Variants in SRP72 observed in about 807,000 individuals in gnomAD.
The protein encoded by SRP72 is signal recognition particle subunit SRP72.
Under a neutral mutation model 96.3 loss-of-function variants are expected in SRP72, and 49 were observed. That is an observed-to-expected ratio of 0.51 (90% CI 0.40 to 0.65). The LOEUF (loss-of-function observed/expected upper bound fraction) is 0.65. SRP72 is among the 30% of genes least tolerant of loss of function. The pLI, the probability that SRP72 is intolerant of heterozygous loss-of-function variation, is 0.00. For synonymous variants in SRP72, 267 were observed against 275.2 expected (o/e 0.97, Z 0.30); for missense variants, 736 against 793.3 (o/e 0.93, Z 0.87).
chr4:56,494,164 G>C (rs1720999953), intron 16 of SRP72, among the ~76,000 whole-genome samples: 1 of 136,396 alleles, frequency 7.3e-6, no homozygotes, highest in Non-Finnish European at 1.6e-5. Context: ...AGACAATTTA[G>C]AATACTATTG....
chr4:56,491,777 T>C (rs989828905), intron 16 of SRP72: 1 of 422,310 alleles, frequency 2.4e-6, no homozygotes, highest in African/African-American at 2.0e-5. Flanking sequence ...TAATCTATTA[T>C]TCCAGAAGTT....
At chr4:56,501,631 T>C (rs1721264484) in intron 18 of SRP72, 53 bp from the exon 19 acceptor site, 1 of 1,514,818 alleles carries the variant, frequency 6.6e-7, no homozygotes, top group South Asian at 1.2e-5. Context: ...TACATTTTTA[T>C]ACTCTTCCTT....
At chr4:56,492,585 A>C (rs1282530020) in intron 16 of SRP72, among the ~76,000 whole-genome samples, 1 of 152,214 alleles carries the variant, frequency 6.6e-6, no homozygotes, top group African/African-American at 2.4e-5. Flanking sequence ...TAACTTAAAA[A>C]AAACTCAGCA....
At chr4:56,499,411 G>A (rs762205636) in intron 17 of SRP72, among the ~76,000 whole-genome samples, 1 of 152,128 alleles carries the variant, frequency 6.6e-6, no homozygotes, top group Non-Finnish European at 1.5e-5. Flanking sequence ...CTTCTGCACA[G>A]CAAAAGAAGC....
At chr4:56,474,540 CT>C in intron 5 of SRP72, 149 bp downstream of exon 5, 1 of 723,434 alleles carries the variant, frequency 1.4e-6, no homozygotes, top group Non-Finnish European at 2.2e-6. Flanking sequence ...GTCTTTCTCT[CT>C]CTTTTTTTTT....
chr4:56,469,815 C>A (rs1047265608), intron 2 of SRP72, 42 bp downstream of exon 2: 1 of 1,530,428 alleles, frequency 6.5e-7, no homozygotes. Flanking sequence ...ATTAGAAACA[C>A]TTACTATAGC....
intron 16 of SRP72, among the ~76,000 whole-genome samples, chr4:56,494,619 G>T (rs979230636): frequency 6.6e-6 from 1 of 151,960 alleles, no homozygotes; most frequent in Non-Finnish European, 1.5e-5. Flanking sequence ...GTCCAGGCTG[G>T]TCTGGAACTC....
chr4:56,486,386 A>G lies in SRP72; in HGVS notation c.1148A>G (p.Lys383Arg). 6.2e-7 allele frequency: 1 copy of G among 1,600,916 alleles called. No individual in the cohort carries two copies. The highest frequency in any genetic ancestry group is 8.5e-7 in the Non-Finnish European group (1 of 1,171,104). The change falls in exon 11 of 19, where the codon AAA (lysine) becomes AGA (arginine). Residue 383 changes from lysine to arginine, a missense_variant. This residue lies in a region of SRP72 where 388 missense variants were observed against 431.8 expected (regional missense o/e 0.90). Transcript: ENST00000642900. ...AEIKLTMAQL[K>R]ISQGNISKAC... ...ATTAAGCTGACCATGGCACAGTTGA[A>G]AATTTCTCAAGGTATTATGGTTTTC...
chr4:56,484,096 C>T (rs947977615), intron 9 of SRP72, among the ~76,000 whole-genome samples: 1 of 133,632 alleles, frequency 7.5e-6, no homozygotes, highest in Non-Finnish European at 1.5e-5. Flanking sequence ...TGCAGTGGTG[C>T]CATCTCGGCT....
At position 56,484,863 on chromosome 4, in the gene SRP72, A is replaced by G. The variant is rs1720645786; in HGVS notation, c.1085A>G (p.Gln362Arg). ...CACACAAAAGCAATAGAGCTGCTTC[A>G]GGTAAAATAATTACTTGAATGAGGT... Reference protein sequence around the residue: ...KQHTKAIELLQEFSDQHPENA... With the variant: ...KQHTKAIELLREFSDQHPENA... Residue 362 changes from glutamine (Q) to arginine (R), a missense_variant and splice_region_variant, in exon 10 of 19, where the codon CAG (glutamine) becomes CGG (arginine). By Grantham distance (43) the Gln-to-Arg change is conservative. This residue lies in a region of SRP72 where 388 missense variants were observed against 431.8 expected (regional missense o/e 0.90). Transcript: ENST00000642900. 6.2e-7 allele frequency: 1 copy of G among 1,606,830 alleles called. No homozygotes were observed. The highest frequency in any genetic ancestry group is 8.5e-7 in the Non-Finnish European group (1 of 1,178,566).
chr4:56,484,731 T>C lies in SRP72; in HGVS notation c.958-5T>C, dbSNP rs760941392. On this transcript the variant is annotated splice_polypyrimidine_tract_variant and splice_region_variant and intron_variant, in intron 9 of 18. Transcript: ENST00000642900. ...TTTTTCTTGTGGGGGTTGGATATCT[T>C]CTAGGCTGAACAATGCCGCAAAATA... is the stretch of plus-strand genomic sequence containing the variant. The C allele has an allele frequency of 6.2e-7, 1 of 1,614,028 alleles. No individual in the cohort carries two copies. The highest frequency in any genetic ancestry group is 2.2e-5 in the East Asian group (1 of 44,882).
chr4:56,495,384 GAAA>G lies in SRP72; in HGVS notation c.1671_1673del (p.Lys559del), dbSNP rs775190323. The G allele has an allele frequency of 6.7e-7, 1 of 1,493,680 alleles. No individual in the cohort carries two copies. The highest frequency in any genetic ancestry group is 1.2e-5 in the South Asian group (1 of 85,246). 92.5% of individuals were successfully genotyped at this position (1,493,680 alleles called of 1,614,324 possible). On this transcript the variant is annotated inframe_deletion, in exon 17 of 19. Transcript: ENST00000642900. ...AGGGAGATTTGAAAAAGAAGAAAAA[GAAA>G]AAGAAGGGTAAGGCATTAAAAAAGT... is the stretch of plus-strand genomic sequence containing the variant.
chr4:56,491,956 G>A (rs1174993025), intron 16 of SRP72, among the ~76,000 whole-genome samples: 1 of 152,154 alleles, frequency 6.6e-6, no homozygotes. Context: ...CGCCTCCCGG[G>A]TTCAAGCAAT....
chr4:56,469,747 C>T lies in SRP72; in HGVS notation c.204C>T (p.Ile68=), dbSNP rs770609392. 1.2e-6 allele frequency: 2 copies of T among 1,611,406 alleles called. No homozygotes were observed. Among genetic ancestry groups the T allele is most frequent in the Admixed American group, 3.3e-5 (2 of 60,000 alleles). The change falls in exon 2 of 19, where the codon ATC becomes ATT. Residue 68 remains isoleucine, a synonymous_variant. Coordinates refer to ENST00000642900, the MANE Select transcript of SRP72 (RefSeq NM_006947.4). The part of the protein sequence containing the change: ...NGSFKEALNV[I]NTHTKVLANN... ...GTTTCAAGGAAGCTTTGAATGTCAT[C>T]AATACTCACACCAAAGTGTTAGCCA... is the stretch of plus-strand genomic sequence containing the variant.
intron 15 of SRP72, 35 bp downstream of exon 15, chr4:56,490,680 A>G: frequency 6.5e-7 from 1 of 1,539,004 alleles, no homozygotes; most frequent in Non-Finnish European, 9.0e-7. Flanking sequence ...ACAGCTCCTC[A>G]GTAGCACAAT....
chr4:56,495,478 T>A, intron 17 of SRP72, 84 bp downstream of exon 17: 2 of 814,976 alleles, frequency 2.5e-6, no homozygotes, highest in Non-Finnish European at 3.8e-6. Context: ...TGGACATAAA[T>A]ATACTGCCCT....
intron 17 of SRP72, among the ~76,000 whole-genome samples, chr4:56,499,797 G>T (rs1185379541): frequency 6.6e-6 from 1 of 152,212 alleles, no homozygotes; most frequent in South Asian, 2.1e-4. Flanking sequence ...CATTGTGGAA[G>T]ACAGTGTGGC....
At position 56,474,048 on chromosome 4, in the gene SRP72, A is replaced by T. The variant is rs368409174; in HGVS notation, c.355-6A>T. 3 of 1,603,808 alleles carry T rather than the reference A, an allele frequency of 1.9e-6. No individual in the cohort carries two copies. Among genetic ancestry groups the T allele is most frequent in the Non-Finnish European group, 2.5e-6 (3 of 1,176,520 alleles). The stretch of plus-strand genomic sequence containing the variant: ...TCTGATTTTTTACTTGCTATTTATT[A>T]TTCAGTTATACCGTTTGGAACGCTA... On this transcript the variant is annotated splice_polypyrimidine_tract_variant and splice_region_variant and intron_variant, in intron 3 of 18. Coordinates refer to ENST00000642900, the MANE Select transcript of SRP72 (RefSeq NM_006947.4).
At chr4:56,482,215 G>A (rs919029483) in intron 8 of SRP72, among the ~76,000 whole-genome samples, 2 of 151,240 alleles carry the variant, frequency 1.3e-5, no homozygotes, top group Admixed American at 6.6e-5. Flanking sequence ...GCCTAGGTGG[G>A]CGAATCACGA....
Sources: gnomAD v4.1 joint callset for allele counts (sites outside exome capture counted in the v4.1 genomes callset) on GRCh38, gnomAD v4.1.1 for gene constraint, gnomAD v4.1.1 regional missense constraint, MANE v1.5 for transcripts, NCBI Gene and HGNC (gene_info 2026-07-23, HGNC 2026-07-21) for gene names.